TSBP1: variants seen among roughly 807,000 people sequenced by gnomAD.
TSBP1 encodes testis expressed basic protein 1, also known as testis-expressed basic protein 1.
A neutral mutation model predicts 68.8 loss-of-function variants in TSBP1; 56 were observed. That is an observed-to-expected ratio of 0.81 (90% CI 0.66 to 1.02). The LOEUF (loss-of-function observed/expected upper bound fraction) is 1.02. Among genes scored for constraint, TSBP1 ranks in the 50% least tolerant of loss-of-function variants. TSBP1 has a pLI of 0.00. For synonymous variants in TSBP1, 171 were observed against 208.7 expected, an observed-to-expected ratio of 0.82 and a Z score of 1.56; for missense variants, 502 against 641.2, an observed-to-expected ratio of 0.78 and a Z score of 2.34.
intron 16 of TSBP1, chr6:32,323,982 C>G (rs1767930817): frequency 8.2e-6 from 2 of 244,316 alleles, no homozygotes; most frequent in Non-Finnish European, 1.6e-5. Flanking sequence ...TTTTCTTTCC[C>G]CATTGCTCAA....
At chr6:32,293,642 C>T (rs1377854117) in exon 23 of TSBP1, 1 of 1,612,868 alleles carries the variant, frequency 6.2e-7, no homozygotes, top group East Asian at 2.2e-5. Flanking sequence ...TTTTGGGACA[C>T]CTGACTCACT....
At chr6:32,329,203 T>G (rs1768631872) in intron 16 of TSBP1, among the ~76,000 whole-genome samples, 1 of 151,558 alleles carries the variant, frequency 6.6e-6, no homozygotes, top group South Asian at 2.1e-4. Flanking sequence ...TATCATATTT[T>G]TAAATTGTTT....
intron 18 of TSBP1, chr6:32,320,164 C>T (rs1562098169): frequency 2.2e-6 from 1 of 455,946 alleles, no homozygotes; most frequent in Non-Finnish European, 4.4e-6. Flanking sequence ...TATAAATACC[C>T]TGGGTTGTGG....
chr6:32,324,673 G>A (rs762336594), intron 16 of TSBP1: 2 of 1,550,706 alleles, frequency 1.3e-6, no homozygotes, highest in Non-Finnish European at 1.7e-6. Flanking sequence ...GTGAGGATGC[G>A]ATCTGACTGA....
At position 32,365,498 on chromosome 6, in the gene TSBP1, G is replaced by T. The variant is rs1349673707; in HGVS notation, c.217+669C>A. ...TTTCTGATGAGGCTTTCTGATGAGT[G>T]GGTTCTGCAGTCTCTTTTCCCTGCT... On this transcript the variant is annotated intron_variant, in intron 6 of 22. Coordinates refer to ENST00000612031, the Ensembl canonical transcript of TSBP1. The surrounding 1 kb of genome is among the most constrained non-coding windows in gnomAD (Gnocchi z 4.3). The T allele has an allele frequency of 4.4e-6, 2 of 456,676 alleles. No homozygotes were observed. The highest frequency in any genetic ancestry group is 8.8e-6 in the Non-Finnish European group (2 of 226,960). The allele number at this position is 456,676 out of a possible 1,614,324, so 28.3% of individuals were successfully genotyped here.
At chr6:32,332,039 G>T (rs768877042) in exon 15 of TSBP1, 39 of 1,599,748 alleles carry the variant, frequency 2.4e-5, no homozygotes, top group Non-Finnish European at 3.3e-5. Flanking sequence ...CTTACCAATA[G>T]GTCCTGGAGT....
At chr6:32,322,010 CT>C (rs1187492831) in intron 18 of TSBP1, among the ~76,000 whole-genome samples, 1 of 152,210 alleles carries the variant, frequency 6.6e-6, no homozygotes, top group African/African-American at 2.4e-5. Flanking sequence ...CCTCATCTCA[CT>C]CATTTACTGA....
chr6:32,327,798 G>T (rs922839779), intron 16 of TSBP1, among the ~76,000 whole-genome samples: 1 of 142,476 alleles, frequency 7.0e-6, no homozygotes, highest in Non-Finnish European at 1.5e-5. Context: ...ATTTTTGTAG[G>T]TTTTTTTTTT....
chr6:32,312,189 T>A (rs1471259915), intron 19 of TSBP1, among the ~76,000 whole-genome samples: 1 of 152,318 alleles, frequency 6.6e-6, no homozygotes, highest in South Asian at 2.1e-4. Context: ...GACATTTGGG[T>A]GTCTGCTCTA....
intron 21 of TSBP1, among the ~76,000 whole-genome samples, 164 bp from the exon 25 acceptor site, chr6:32,300,100 A>C (rs1765131884): frequency 6.6e-6 from 1 of 151,318 alleles, no homozygotes; most frequent in South Asian, 2.1e-4. Context: ...TCCATATCGC[A>C]CTCCACACAG....
At position 32,315,717 on chromosome 6, in the gene TSBP1, G is replaced by A. The variant is rs6915455; in HGVS notation, c.580+55C>T. 260,517 of 1,189,774 alleles carry A rather than the reference G, an allele frequency of 0.22. 30,033 individuals carry two copies. Among genetic ancestry groups the A allele is most frequent in the Non-Finnish European group, 0.23 (193,216 of 858,404 alleles). 73.7% of individuals were successfully genotyped at this position (1,189,774 alleles called of 1,614,324 possible). A position where few individuals can be genotyped will look rare whatever the true frequency, so the allele number is the denominator to read the frequency against. ...CTCAATCTTTTGGATACTTAGAAGT[G>A]GAAACATCTAACATAAATCTCCACA... On this transcript the variant is annotated intron_variant, in intron 19 of 22. Transcript: ENST00000612031. This position sits in a 1 kb window ranked among gnomAD's most constrained non-coding sequence, Gnocchi z 5.4.
exon 16 of TSBP1, chr6:32,330,599 A>C: frequency 6.2e-7 from 1 of 1,604,756 alleles, no homozygotes; most frequent in Non-Finnish European, 8.5e-7. Flanking sequence ...CATTGGATCC[A>C]GGATATTGTA....
intron 3 of TSBP1, among the ~76,000 whole-genome samples, chr6:32,368,561 A>G (rs1774022713): frequency 6.6e-6 from 1 of 152,124 alleles, no homozygotes; most frequent in African/African-American, 2.4e-5. Flanking sequence ...ATGCAGGCCT[A>G]CCCAGTATTA....
intron 6 of TSBP1, among the ~76,000 whole-genome samples, chr6:32,363,005 G>C (rs1773239937): frequency 6.6e-6 from 1 of 151,986 alleles, no homozygotes; most frequent in South Asian, 2.1e-4. Context: ...TTATATTGCT[G>C]TTTCTCCCTT....
At chr6:32,342,580 G>A (rs1291373695) in intron 9 of TSBP1, among the ~76,000 whole-genome samples, 1 of 152,160 alleles carries the variant, frequency 6.6e-6, no homozygotes, top group Non-Finnish European at 1.5e-5. Context: ...GTAGGGAGCT[G>A]GGATACAACT....
chr6:32,316,077 C>T lies in TSBP1; in HGVS notation c.560-285G>A. On this transcript the variant is annotated intron_variant, in intron 18 of 22. Coordinates refer to ENST00000612031, the Ensembl canonical transcript of TSBP1. The surrounding 1 kb of genome is among the most constrained non-coding windows in gnomAD (Gnocchi z 4.5). ...GGGTATAGTCTCGGGTAGAGACTGCCATATCTTTCTGTTTCCTTTGAATAG... is the reference window on the plus strand; with the variant it reads ...GGGTATAGTCTCGGGTAGAGACTGCTATATCTTTCTGTTTCCTTTGAATAG... Among the ~76,000 whole-genome samples, 1 of 152,144 alleles carries T rather than the reference C, an allele frequency of 6.6e-6. No individual in the cohort carries two copies. Among genetic ancestry groups the T allele is most frequent in the East Asian group, 1.9e-4 (1 of 5,196 alleles).
In TSBP1 at chr6:32,361,260, T is replaced by C. The variant is rs955821519; in HGVS notation, c.217+4907A>G. Among the ~76,000 whole-genome samples the C allele has an allele frequency of 3.9e-5, 6 of 152,246 alleles. No individual in the cohort carries two copies. Among genetic ancestry groups the C allele is most frequent in the African/African-American group, 1.2e-4 (5 of 41,460 alleles). On this transcript the variant is annotated intron_variant, in intron 6 of 22. Transcript: ENST00000612031. This position sits in a 1 kb window ranked among gnomAD's most constrained non-coding sequence, Gnocchi z 4.3. ...TTCCATGGTGTATATGTGCCACATA[T>C]TCTTAATCTGGTGTATCATTGATGG...
chr6:32,346,529 CCTGTCTTTTAAAATA>C (rs71918165), intron 9 of TSBP1, among the ~76,000 whole-genome samples: 63,963 of 151,924 alleles, frequency 0.42, 14,352 homozygotes, highest in African/African-American at 0.54. Context: ...CTTTAATATT[CCTGTCTTTTAAAATA>C]CTGTATCTCA....
At position 32,343,220 on chromosome 6, in the gene TSBP1, A is replaced by G; in HGVS notation, c.350-3582T>C. ...GAGCCCAACAACACCAGAGTTTGAA[A>G]CAAGAAGATAAACTTACTCATGGAT... On this transcript the variant is annotated intron_variant, in intron 9 of 22. Coordinates refer to ENST00000612031, the Ensembl canonical transcript of TSBP1. This position sits in a 1 kb window ranked among gnomAD's most constrained non-coding sequence, Gnocchi z 4.3. 7.3e-7 allele frequency: 1 copy of G among 1,378,146 alleles called. No homozygotes were observed. 85.4% of individuals were successfully genotyped at this position (1,378,146 alleles called of 1,614,324 possible).
Sources: gnomAD v4.1 joint callset for allele counts (sites outside exome capture counted in the v4.1 genomes callset) on GRCh38, gnomAD v4.1.1 for gene constraint, Gnocchi (gnomAD v3.1) non-coding constraint, MANE v1.5 for transcripts, NCBI Gene and HGNC (gene_info 2026-07-23, HGNC 2026-07-21) for gene names.